OPCML: variants seen among roughly 807,000 people sequenced by gnomAD.
OPCML encodes the protein opioid-binding protein/cell adhesion molecule.
Under a neutral mutation model 37.8 loss-of-function variants are expected in OPCML, and 13 were observed. The ratio of observed to expected loss-of-function variants is 0.34; its 90% CI spans 0.22 to 0.55. The LOEUF is 0.55. Among genes scored for constraint, OPCML ranks in the 20% least tolerant of loss-of-function variants. The pLI, the probability that OPCML is intolerant of heterozygous loss-of-function variation, is 0.91. For missense variants in OPCML, 341 were observed against 435.6 expected (o/e 0.78, Z 1.93); for synonymous variants, 176 against 168.8 (o/e 1.04, Z -0.33).
intron 3 of OPCML, among the ~76,000 whole-genome samples, chr11:132,551,265 C>A (rs528655944): frequency 2.8e-4 from 42 of 152,250 alleles, no homozygotes; most frequent in Non-Finnish European, 5.6e-4. Flanking sequence ...ACCGTCATTG[C>A]AAAATTGTAA....
chr11:133,364,734 T>TTAGAATAC (rs1386555524), intron 1 of OPCML, among the ~76,000 whole-genome samples: 1 of 152,170 alleles, frequency 6.6e-6, no homozygotes, highest in Non-Finnish European at 1.5e-5. Context: ...CTCCCAATTC[T>TTAGAATAC]TAGAATACTG....
intron 1 of OPCML, chr11:133,004,699 G>T (rs1419917828): frequency 1.0e-6 from 1 of 985,304 alleles, no homozygotes; most frequent in Non-Finnish European, 1.2e-6. Context: ...GGCTTGCCTT[G>T]GTGCTAGCTG....
At chr11:133,112,491 T>G (rs1949271939) in intron 1 of OPCML, among the ~76,000 whole-genome samples, 1 of 152,212 alleles carries the variant, frequency 6.6e-6, no homozygotes, top group Non-Finnish European at 1.5e-5. Flanking sequence ...GTCTTGGTTT[T>G]TCCAAAATCA....
At chr11:132,902,428 C>T (rs775621528) in intron 2 of OPCML, among the ~76,000 whole-genome samples, 30 of 152,274 alleles carry the variant, frequency 2.0e-4, no homozygotes, top group Admixed American at 3.3e-4. Flanking sequence ...TGGGTGTGCA[C>T]GGGTGTGATT....
chr11:132,525,954 A>G (rs2508973), intron 4 of OPCML: 62,585 of 152,094 alleles, frequency 0.41, 14,964 homozygotes, highest in Non-Finnish European at 0.55. Context: ...ATTAAGGATA[A>G]CAAAGTTAAG....
In OPCML at chr11:133,517,920, AAGG is replaced by A. The variant is rs534053171; in HGVS notation, c.61+14341_61+14343del. The stretch of plus-strand genomic sequence containing the variant: ...GCTGAGCACCAGGCACAGAATGGGC[AAGG>A]AGGATGACTGGGGTCCTAAATTTCT... On this transcript the variant is annotated intron_variant, in intron 1 of 7. Coordinates refer to ENST00000524381, the MANE Select transcript of OPCML (RefSeq NM_001012393.5). Among the ~76,000 whole-genome samples, 258 of 152,326 alleles carry A rather than the reference AAGG, an allele frequency of 1.7e-3. 1 individual carries two copies. Among genetic ancestry groups the A allele is most frequent in the African/African-American group, 5.6e-3 (233 of 41,570 alleles).
At chr11:133,003,212 AT>A (rs1463568752) in intron 1 of OPCML, among the ~76,000 whole-genome samples, 1 of 152,218 alleles carries the variant, frequency 6.6e-6, no homozygotes, top group African/African-American at 2.4e-5. Flanking sequence ...GCTGAAAGCA[AT>A]AGAAATTTAT....
chr11:133,291,336 A>G (rs191187974), intron 1 of OPCML, among the ~76,000 whole-genome samples: 4 of 152,280 alleles, frequency 2.6e-5, no homozygotes, highest in African/African-American at 7.2e-5. Flanking sequence ...ATGCAGGAAG[A>G]GCTGTTGGCA....
At chr11:133,294,225 G>A (rs146844949) in intron 1 of OPCML, among the ~76,000 whole-genome samples, 71 of 151,990 alleles carry the variant, frequency 4.7e-4, no homozygotes, top group African/African-American at 1.7e-3. Flanking sequence ...AGGCAAACGG[G>A]CACATGCAGA....
At chr11:132,986,833 G>A (rs1946689633) in intron 1 of OPCML, among the ~76,000 whole-genome samples, 1 of 152,184 alleles carries the variant, frequency 6.6e-6, no homozygotes, top group African/African-American at 2.4e-5. Flanking sequence ...TAGATTCCAT[G>A]ACCCTCTGGA....
intron 1 of OPCML, among the ~76,000 whole-genome samples, chr11:133,305,828 AAT>A (rs1471839052): frequency 6.6e-6 from 1 of 152,220 alleles, no homozygotes; most frequent in African/African-American, 2.4e-5. Context: ...AGCCAAGATC[AAT>A]GGCAACCTGA....
chr11:133,133,357 C>G (rs1311746356), intron 1 of OPCML, among the ~76,000 whole-genome samples: 1 of 152,180 alleles, frequency 6.6e-6, no homozygotes, highest in Non-Finnish European at 1.5e-5. Flanking sequence ...GCTGCCTTGG[C>G]TCCTTTGTTT....
intron 1 of OPCML, among the ~76,000 whole-genome samples, chr11:133,326,297 G>A (rs896204611): frequency 1.3e-4 from 8 of 60,588 alleles, no homozygotes; most frequent in African/African-American, 1.0e-3. Context: ...GGGTGTGTGT[G>A]GGGGTGTGGG....
At chr11:132,527,223 T>C (rs1287381810) in intron 4 of OPCML, among the ~76,000 whole-genome samples, 1 of 152,206 alleles carries the variant, frequency 6.6e-6, no homozygotes, top group African/African-American at 2.4e-5. Context: ...GAGCATATGC[T>C]TTCATTTATC....
intron 2 of OPCML, among the ~76,000 whole-genome samples, chr11:132,836,879 T>C (rs1453910935): frequency 6.6e-6 from 1 of 152,026 alleles, no homozygotes; most frequent in African/African-American, 2.4e-5. Flanking sequence ...AGAAGGCAGA[T>C]GTAGAGGTAG....
intron 2 of OPCML, among the ~76,000 whole-genome samples, chr11:132,792,011 C>A (rs1407688757): frequency 6.6e-6 from 1 of 152,218 alleles, no homozygotes; most frequent in East Asian, 1.9e-4. Context: ...AAAGCCAGAC[C>A]TTGATTCTGC....
At chr11:132,615,761 C>A (rs921887375) in intron 3 of OPCML, among the ~76,000 whole-genome samples, 2 of 152,016 alleles carry the variant, frequency 1.3e-5, no homozygotes, top group Non-Finnish European at 2.9e-5. Flanking sequence ...ATGCGAACTA[C>A]TTAGTAAAGC....
At chr11:132,905,852 CTAATA>C (rs1436127309) in intron 2 of OPCML, among the ~76,000 whole-genome samples, 5 of 152,082 alleles carry the variant, frequency 3.3e-5, no homozygotes, top group African/African-American at 1.2e-4. Flanking sequence ...ATTAAACAAA[CTAATA>C]TGTGTAAAAG....
At chr11:132,776,579 C>G (rs1248592859) in intron 2 of OPCML, among the ~76,000 whole-genome samples, 1 of 151,946 alleles carries the variant, frequency 6.6e-6, no homozygotes, top group Non-Finnish European at 1.5e-5. Flanking sequence ...CCCCCTCTCT[C>G]TCTCTCGCCC....
Sources: allele counts gnomAD v4.1 joint callset (sites outside exome capture counted in the v4.1 genomes callset), GRCh38; gene constraint gnomAD v4.1.1; transcripts MANE v1.5; gene names NCBI Gene and HGNC (gene_info 2026-07-23, HGNC 2026-07-21).